The following RUNX1 variants were observed in gnomAD, a reference collection of about 807,000 sequenced individuals.
RUNX1 encodes the protein RUNX family transcription factor 1.
RUNX1 carries 19 observed loss-of-function variants against 42.8 expected under a neutral mutation model. The ratio of observed to expected loss-of-function variants is 0.44; its 90% CI spans 0.31 to 0.65. The LOEUF (loss-of-function observed/expected upper bound fraction) is 0.65, where lower values mean the gene tolerates loss of function less well. Ranked by LOEUF, RUNX1 falls within the 30% of genes least tolerant of loss-of-function variation. The pLI is 0.07. For missense variants in RUNX1, 528 were observed against 672.0 expected (o/e 0.79, Z 2.37); for synonymous variants, 271 against 289.4 (o/e 0.94, Z 0.64).
intron 2 of RUNX1, among the ~76,000 whole-genome samples, chr21:34,904,295 G>A (rs534377479): frequency 6.6e-6 from 1 of 152,090 alleles, no homozygotes; most frequent in Non-Finnish European, 1.5e-5. Context: ...GAGAAAGAGT[G>A]GAAAGATTTT....
intron 3 of RUNX1, chr21:34,887,587 C>T: frequency 1.8e-6 from 2 of 1,110,182 alleles, no homozygotes; most frequent in Non-Finnish European, 2.2e-6. Context: ...CCCAACAGAA[C>T]ACAATTATCT....
rs1295188547 is a variant in RUNX1, at chr21:34,907,544, C to A, written c.59-14581G>T. Reference sequence around the variant, plus strand: ...ATTCAAAAAGTTTGCAAGCCTCTAGCCTAAAATGTCTTATTTTCTTAGTAC... The same window carrying A: ...ATTCAAAAAGTTTGCAAGCCTCTAGACTAAAATGTCTTATTTTCTTAGTAC... On this transcript the variant is annotated intron_variant, in intron 2 of 8. Coordinates refer to ENST00000675419, the MANE Select transcript of RUNX1 (RefSeq NM_001754.5). This position sits in a 1 kb window ranked among gnomAD's most constrained non-coding sequence, Gnocchi z 5.3. Among the ~76,000 whole-genome samples the A allele has an allele frequency of 1.3e-5, 2 of 152,116 alleles. No homozygotes were observed. Among genetic ancestry groups the A allele is most frequent in the Non-Finnish European group, 1.5e-5 (1 of 68,018 alleles).
At position 34,949,990 on chromosome 21, in the gene RUNX1, G is replaced by A. The variant is rs1368636078; in HGVS notation, c.59-57027C>T. On this transcript the variant is annotated intron_variant, in intron 2 of 8. Transcript: ENST00000675419. ...GAATCACGGCTGAACTGACATCATAGGATCATAGAATTTTATAACATGAAG... is the reference window on the plus strand; with the variant it reads ...GAATCACGGCTGAACTGACATCATAAGATCATAGAATTTTATAACATGAAG... Among the ~76,000 whole-genome samples, 3 of 152,180 alleles carry A rather than the reference G, an allele frequency of 2.0e-5. No individual in the cohort carries two copies. In the East Asian group the frequency reaches 5.8e-4, roughly 29 times the overall value.
chr21:34,919,219 C>A (rs374341641), intron 2 of RUNX1, among the ~76,000 whole-genome samples: 2 of 152,100 alleles, frequency 1.3e-5, no homozygotes, highest in African/African-American at 4.8e-5. Context: ...CTTAACTAGT[C>A]GAAGCTGTTT....
At position 35,049,140 on chromosome 21, in the gene RUNX1, G is replaced by A. The variant is rs932979712; in HGVS notation, c.-60+28C>T. 4.4e-5 allele frequency: 22 copies of A among 504,758 alleles called. No homozygotes were observed. The East Asian group carries it at 5.8e-4, about 13-fold the overall frequency. 31.3% of individuals were successfully genotyped at this position (504,758 alleles called of 1,614,324 possible). A position where few individuals can be genotyped will look rare whatever the true frequency, so the allele number is the denominator to read the frequency against. On this transcript the variant is annotated intron_variant, in intron 1 of 8. Transcript: ENST00000675419. ...TAAAAAAAAAAAAAAAGCCAGCGCC[G>A]CCTTGGCTGTGGGTTGGTGATGCTC...
chr21:35,011,383 A>G (rs1200524486), intron 2 of RUNX1, among the ~76,000 whole-genome samples: 1 of 152,072 alleles, frequency 6.6e-6, no homozygotes, highest in East Asian at 1.9e-4. Context: ...GACAGCCACT[A>G]CTAATTCATA....
chr21:34,977,934 T>C (rs1211922366), intron 2 of RUNX1, among the ~76,000 whole-genome samples: 2 of 152,154 alleles, frequency 1.3e-5, no homozygotes, highest in African/African-American at 2.4e-5. Context: ...CATTTTTTTT[T>C]TTTTTGAGAC....
intron 2 of RUNX1, among the ~76,000 whole-genome samples, chr21:34,925,488 T>C (rs1293841466): frequency 1.3e-5 from 2 of 152,240 alleles, no homozygotes; most frequent in South Asian, 2.1e-4. Flanking sequence ...GGAGAAAGCC[T>C]TGTGATATCA....
intron 3 of RUNX1, among the ~76,000 whole-genome samples, chr21:34,889,987 G>GGCGCGGGGGTCCCTCGCCGACC (rs2058059935): frequency 6.6e-6 from 1 of 152,044 alleles, no homozygotes; most frequent in African/African-American, 2.4e-5. Context: ...TAAGCTCCCC[G>GGCGCGGGGGTCCCTCGCCGACC]GCGCGGGGGT....
chr21:34,948,841 GCTCA>G (rs1306794887), intron 2 of RUNX1, among the ~76,000 whole-genome samples: 1 of 152,144 alleles, frequency 6.6e-6, no homozygotes, highest in Non-Finnish European at 1.5e-5. Flanking sequence ...CGCCTCCCGG[GCTCA>G]AGCAATTCTC....
intron 2 of RUNX1, among the ~76,000 whole-genome samples, chr21:35,004,534 A>G (rs1048003253): frequency 6.6e-6 from 1 of 152,180 alleles, no homozygotes; most frequent in African/African-American, 2.4e-5. Flanking sequence ...GTCTTGAGTA[A>G]AGTCACAGAT....
At chr21:34,936,024 A>T (rs2058482020) in intron 2 of RUNX1, among the ~76,000 whole-genome samples, 1 of 152,194 alleles carries the variant, frequency 6.6e-6, no homozygotes, top group Non-Finnish European at 1.5e-5. Context: ...CAGAATTCGG[A>T]GTTTACTTTC....
chr21:34,993,792 G>GAC (rs1306121547), intron 2 of RUNX1, among the ~76,000 whole-genome samples: 2 of 77,696 alleles, frequency 2.6e-5, no homozygotes, highest in South Asian at 3.8e-4. Context: ...CACACACACA[G>GAC]ACACACACAC....
chr21:34,876,004 T>C (rs777567229), intron 5 of RUNX1, among the ~76,000 whole-genome samples: 1 of 152,212 alleles, frequency 6.6e-6, no homozygotes, highest in African/African-American at 2.4e-5. Context: ...AGGAATTTCA[T>C]TGTATAAATG....
intron 7 of RUNX1, among the ~76,000 whole-genome samples, chr21:34,822,527 C>T (rs781499496): frequency 6.6e-6 from 1 of 152,180 alleles, no homozygotes; most frequent in Non-Finnish European, 1.5e-5. Context: ...GCTTCAAAAG[C>T]TTCTGCATTC....
chr21:34,950,101 G>C (rs1423526448), intron 2 of RUNX1, among the ~76,000 whole-genome samples: 1 of 152,188 alleles, frequency 6.6e-6, no homozygotes, highest in Non-Finnish European at 1.5e-5. Context: ...AAACAAACAT[G>C]ATTATTATTT....
chr21:34,794,027 C>T (rs953855527), intron 8 of RUNX1, among the ~76,000 whole-genome samples: 3 of 152,048 alleles, frequency 2.0e-5, no homozygotes, highest in African/African-American at 7.2e-5. Flanking sequence ...TCTCTGGCCC[C>T]TTACAGAAAA....
chr21:34,963,502 T>A (rs2058695969), intron 2 of RUNX1, among the ~76,000 whole-genome samples: 1 of 152,304 alleles, frequency 6.6e-6, no homozygotes, highest in South Asian at 2.1e-4. Flanking sequence ...TGTTTTCAAA[T>A]ATGATGTGAG....
chr21:35,047,317 A>T (rs1185482108), intron 2 of RUNX1, among the ~76,000 whole-genome samples: 1 of 151,880 alleles, frequency 6.6e-6, no homozygotes, highest in Non-Finnish European at 1.5e-5. Context: ...GCTTTTCACC[A>T]GTGGCCGGTG....
Sources: allele counts gnomAD v4.1 joint callset (sites outside exome capture counted in the v4.1 genomes callset), GRCh38; gene constraint gnomAD v4.1.1; non-coding constraint Gnocchi (gnomAD v3.1); transcripts MANE v1.5; gene names NCBI Gene and HGNC (gene_info 2026-07-23, HGNC 2026-07-21).